SEPTIN4: variants seen among roughly 807,000 people sequenced by gnomAD.
SEPTIN4 encodes the protein septin 4, also known as septin-4.
A neutral mutation model predicts 107.1 loss-of-function variants in SEPTIN4; 52 were observed. That is an observed-to-expected ratio of 0.49 (90% CI 0.39 to 0.61). The LOEUF (loss-of-function observed/expected upper bound fraction) is 0.61. Among genes scored for constraint, SEPTIN4 ranks in the 20% least tolerant of loss-of-function variants. SEPTIN4 has a pLI of 0.00. For missense variants in SEPTIN4, 1,048 were observed against 1,243.5 expected (o/e 0.84, Z 2.36); for synonymous variants, 417 against 467.0 (o/e 0.89, Z 1.38).
At chr17:58,530,098 C>T (rs893977051) in intron 3 of SEPTIN4, 3 of 152,224 alleles carry the variant, frequency 2.0e-5, no homozygotes, top group African/African-American at 7.2e-5. Flanking sequence ...ATTAAGGGGC[C>T]TGGTTGGAAG....
Position 58,543,388 on chromosome 17 carries a change from T to C in SEPTIN4, c.799A>G (p.Met267Val). Residue 267 changes from methionine (M) to valine (V), a missense_variant, in exon 1 of 14, where the codon ATG (methionine) becomes GTG (valine). Met to Val is a conservative substitution (Grantham distance 21). Transcript: ENST00000672673. ...AGTTTGAGCAATGAGTCCAAGTTCA[T>C]ATTCCTATACAAGGCCTTGGGTTTT... The part of the protein sequence containing the change: ...PSKPKALYRN[M>V]NLDSLLKLSV... The C allele has an allele frequency of 6.2e-7, 1 of 1,614,230 alleles. No homozygotes were observed. The highest frequency in any genetic ancestry group is 8.5e-7 in the Non-Finnish European group (1 of 1,180,040).
At chr17:58,542,598 C>A in intron 1 of SEPTIN4, 28 bp downstream of exon 1, 1 of 1,582,238 alleles carries the variant, frequency 6.3e-7, no homozygotes, top group Non-Finnish European at 8.6e-7. Flanking sequence ...ATTGGGGCTG[C>A]ACCTGGGCAG....
chr17:58,529,427 A>C (rs947342207), intron 3 of SEPTIN4: 11 of 1,389,710 alleles, frequency 7.9e-6, no homozygotes, highest in Admixed American at 3.0e-5. Context: ...CAGCTGCAGC[A>C]GGATCACTTG....
In SEPTIN4 at chr17:58,525,134, C is replaced by G; in HGVS notation, c.2160G>C (p.Leu720=). ...CTGGTGTGTCCACAATGGTGAGCCG[C>G]AGCCTCACACCCTTCTCTTCTATGT... ...AVDIEEKGVR[L]RLTIVDTPGF... is the part of the protein sequence containing the mutation. The change falls in exon 7 of 14, where the codon CTG becomes CTC. Residue 720 remains leucine (L), a synonymous_variant. Transcript: ENST00000672673. The G allele has an allele frequency of 6.2e-7, 1 of 1,614,236 alleles. No individual in the cohort carries two copies. Among genetic ancestry groups the G allele is most frequent in the Non-Finnish European group, 8.5e-7 (1 of 1,180,042 alleles).
rs2042182223 is a variant in SEPTIN4, at chr17:58,520,808, T to G, written c.2866A>C (p.Ile956Leu). The change falls in exon 13 of 14, where the codon ATC (isoleucine) becomes CTC (leucine). Residue 956 changes from isoleucine to leucine, a missense_variant. Physicochemically the swap from Ile to Leu is conservative, Grantham distance 5. Transcript: ENST00000672673. ...LTRESGTDFP[I>L]PAVPPGTDPE... Reference sequence around the variant, plus strand: ...TCTGTCCCTGGTGGGACAGCAGGGATGGGGAAGTCGGTACCACTTTCCCGA... The same window carrying G: ...TCTGTCCCTGGTGGGACAGCAGGGAGGGGGAAGTCGGTACCACTTTCCCGA... 3.1e-6 allele frequency: 5 copies of G among 1,614,054 alleles called. No individual in the cohort carries two copies. The highest frequency in any genetic ancestry group is 4.2e-6 in the Non-Finnish European group (5 of 1,180,010).
chr17:58,542,339 C>A (rs1451710996), intron 1 of SEPTIN4, among the ~76,000 whole-genome samples: 1 of 152,182 alleles, frequency 6.6e-6, no homozygotes, highest in Non-Finnish European at 1.5e-5. Context: ...GCTTTCAACC[C>A]TGCAAGCCCC....
intron 3 of SEPTIN4, chr17:58,527,744 GA>G: frequency 1.4e-6 from 1 of 730,478 alleles, no homozygotes; most frequent in Non-Finnish European, 1.7e-6. Flanking sequence ...AAGAGCCTGG[GA>G]AAGGCTGGGC....
chr17:58,527,010 G>C (rs1179105724), intron 3 of SEPTIN4, 32 bp from the exon 4 acceptor site: 3 of 1,613,754 alleles, frequency 1.9e-6, no homozygotes, highest in Non-Finnish European at 8.5e-7. Flanking sequence ...GAATAGATGG[G>C]TGGTGCCGGG....
At chr17:58,540,456 G>A (rs2043847287) in intron 3 of SEPTIN4, among the ~76,000 whole-genome samples, 1 of 152,224 alleles carries the variant, frequency 6.6e-6, no homozygotes. Context: ...GGTTCCACAG[G>A]TGCACAGCTT....
intron 4 of SEPTIN4, 178 bp downstream of exon 4, chr17:58,526,504 T>C: frequency 7.2e-7 from 1 of 1,395,292 alleles, no homozygotes; most frequent in South Asian, 1.7e-5. Context: ...TCCAGTGCCC[T>C]TGGGGGCAGA....
At chr17:58,523,625 T>G (rs1465466047) in intron 7 of SEPTIN4, among the ~76,000 whole-genome samples, 1 of 151,918 alleles carries the variant, frequency 6.6e-6, no homozygotes, top group African/African-American at 2.4e-5. Flanking sequence ...ATGCTTGTTC[T>G]GAATCCCTTA....
chr17:58,529,382 C>T (rs1363908320), intron 3 of SEPTIN4: 1 of 1,435,094 alleles, frequency 7.0e-7, no homozygotes, highest in African/African-American at 1.4e-5. Context: ...CTCTTCTCCT[C>T]CCCTTCCCTT....
chr17:58,544,213 A>G lies in SEPTIN4; in HGVS notation c.-27T>C. On this transcript the variant is annotated 5_prime_UTR_variant, in exon 1 of 14. Coordinates refer to ENST00000672673, the MANE Select transcript of SEPTIN4 (RefSeq NM_001368771.2). ...TGATAGATTGTGCCCTTCTGAGTAG[A>G]TCCCGTATTTTACTGGCTGGCTTGT... 6.4e-7 allele frequency: 1 copy of G among 1,573,248 alleles called. No homozygotes were observed. The highest frequency in any genetic ancestry group is 8.6e-7 in the Non-Finnish European group (1 of 1,159,060).
chr17:58,527,933 C>T (rs2043107564), intron 3 of SEPTIN4: 2 of 985,768 alleles, frequency 2.0e-6, no homozygotes, highest in African/African-American at 3.5e-5. Flanking sequence ...GCCTGTTCTA[C>T]CCCATCCTCA....
In SEPTIN4 at chr17:58,543,703, G is replaced by A; in HGVS notation, c.484C>T (p.Gln162Ter). ...DAKSTHQLSFQDQKNNLQSQI... is the reference protein window; with the variant it reads ...DAKSTHQLSF The stretch of plus-strand genomic sequence containing the variant: ...GATTGTAAGTTATTCTTCTGGTCTT[G>A]AAAACTCAACTGATGAGTAGATTTG... The change falls in exon 1 of 14, where the codon CAA (glutamine) becomes TAA (stop). Residue 162 changes from glutamine (Q) to a stop codon, truncating the protein, a stop_gained. Transcript: ENST00000672673. LOFTEE classifies it high-confidence loss of function. 1.2e-6 allele frequency: 2 copies of A among 1,614,218 alleles called. No homozygotes were observed. Among genetic ancestry groups the A allele is most frequent in the Non-Finnish European group, 1.7e-6 (2 of 1,180,036 alleles).
chr17:58,520,519 T>C, intron 13 of SEPTIN4, 34 bp from the exon 14 acceptor site: 4 of 1,612,726 alleles, frequency 2.5e-6, no homozygotes, highest in Non-Finnish European at 3.4e-6. Flanking sequence ...ATGGGGACTT[T>C]TGGAGAGTCC....
At chr17:58,532,076 G>C (rs1424324139) in intron 3 of SEPTIN4, 21 of 1,097,712 alleles carry the variant, frequency 1.9e-5, no homozygotes, top group South Asian at 1.3e-4. Context: ...CCCGAGTGCG[G>C]ACCGCTGCGG....
chr17:58,523,209 CAA>C (rs2042463031), intron 7 of SEPTIN4, among the ~76,000 whole-genome samples: 1 of 151,818 alleles, frequency 6.6e-6, no homozygotes, highest in Non-Finnish European at 1.5e-5. Context: ...CCCATCTCTA[CAA>C]AAAATACAAA....
At chr17:58,539,192 T>C in intron 3 of SEPTIN4, 1 of 1,533,906 alleles carries the variant, frequency 6.5e-7, no homozygotes, top group Non-Finnish European at 8.7e-7. Flanking sequence ...GCTCTGCTGC[T>C]GAACAGGGCT....
Sources: allele counts gnomAD v4.1 joint callset (sites outside exome capture counted in the v4.1 genomes callset), GRCh38; gene constraint gnomAD v4.1.1; transcripts MANE v1.5; gene names NCBI Gene and HGNC (gene_info 2026-07-23, HGNC 2026-07-21).